NIPBL: variants seen among roughly 807,000 people sequenced by gnomAD.
NIPBL encodes nipped-B-like protein.
NIPBL carries 19 observed loss-of-function variants against 321.8 expected under a neutral mutation model. The observed-to-expected ratio is 0.06, with a 90% confidence interval of 0.04 to 0.09. The LOEUF is 0.09. Ranked by LOEUF, NIPBL falls within the 10% of genes least tolerant of loss-of-function variation. The probability of loss-of-function intolerance (pLI) is 1.00; values close to 1 mark genes in which losing one functional copy is unlikely to be tolerated. For missense variants in NIPBL, 2,210 were observed against 3,327.0 expected (o/e 0.66, Z 8.26); for synonymous variants, 1,106 against 1,114.1 (o/e 0.99, Z 0.14).
chr5:36,919,671 TGAGA>T (rs1748766543), intron 1 of NIPBL, among the ~76,000 whole-genome samples: 1 of 152,334 alleles, frequency 6.6e-6, no homozygotes, highest in African/African-American at 2.4e-5. Flanking sequence ...GATCCCTGAC[TGAGA>T]AAGAAGATAT....
chr5:37,021,368 A>G, intron 27 of NIPBL, among the ~76,000 whole-genome samples: 1 of 152,182 alleles, frequency 6.6e-6, no homozygotes, highest in Non-Finnish European at 1.5e-5. Context: ...ATATATTTGT[A>G]TGAATGCACA....
At chr5:36,951,989 A>G (rs1740346387) in intron 1 of NIPBL, among the ~76,000 whole-genome samples, 1 of 144,418 alleles carries the variant, frequency 6.9e-6, no homozygotes, top group Admixed American at 6.9e-5. Flanking sequence ...TGATGATTCT[A>G]TGGATGCTTA....
At chr5:37,033,572 A>C (rs1466338442) in intron 32 of NIPBL, among the ~76,000 whole-genome samples, 14 of 144,274 alleles carry the variant, frequency 9.7e-5, no homozygotes, top group African/African-American at 3.7e-4. Flanking sequence ...AAAAAAAAAG[A>C]TTCCTACTTC....
intron 1 of NIPBL, among the ~76,000 whole-genome samples, chr5:36,879,670 G>A (rs1745360463): frequency 6.6e-6 from 1 of 152,142 alleles, no homozygotes; most frequent in Middle Eastern, 3.4e-3. Context: ...TTCAGTGAAA[G>A]GAGAAATCAG....
chr5:36,988,600 A>G (rs775056601), intron 10 of NIPBL, among the ~76,000 whole-genome samples: 6 of 152,012 alleles, frequency 3.9e-5, no homozygotes, highest in Non-Finnish European at 8.8e-5. Flanking sequence ...TTAAAATTGC[A>G]TGTATATGAA....
intron 10 of NIPBL, among the ~76,000 whole-genome samples, chr5:36,992,385 CTT>C (rs1266225722): frequency 6.6e-6 from 1 of 152,170 alleles, no homozygotes; most frequent in African/African-American, 2.4e-5. Flanking sequence ...GATAGCAAGA[CTT>C]TATGTTTGCA....
intron 1 of NIPBL, among the ~76,000 whole-genome samples, chr5:36,899,115 T>C (rs1747012367): frequency 6.6e-6 from 1 of 152,198 alleles, no homozygotes; most frequent in Admixed American, 6.5e-5. Flanking sequence ...TCTTTGATTC[T>C]CACTTTGGGA....
chr5:37,007,439 G>C lies in NIPBL; in HGVS notation c.4204G>C (p.Glu1402Gln), dbSNP rs61755039. The C allele has an allele frequency of 1.1e-5, 17 of 1,611,428 alleles. No individual in the cohort carries two copies. Among genetic ancestry groups the C allele is most frequent in the Non-Finnish European group, 1.3e-5 (15 of 1,178,216 alleles). ...DIVSSLSELL[E>Q]IQLLTDTTIL... is the part of the protein sequence containing the mutation. ...TGTTAGCAGCTTATCAGAATTGCTAGAGATACAACTTCTTACAGACACAAC... is the reference window on the plus strand; with the variant it reads ...TGTTAGCAGCTTATCAGAATTGCTACAGATACAACTTCTTACAGACACAAC... The change falls in exon 18 of 47, where the codon GAG becomes CAG. Residue 1402 changes from glutamate (E) to glutamine (Q), a missense_variant. Physicochemically the swap from Glu to Gln is conservative, Grantham distance 29. This residue lies in a region of NIPBL where 381 missense variants were observed against 642.3 expected (regional missense o/e 0.59). Coordinates refer to ENST00000282516, the MANE Select transcript of NIPBL (RefSeq NM_133433.4).
chr5:36,887,200 C>G (rs1393724971), intron 1 of NIPBL, among the ~76,000 whole-genome samples: 1 of 152,012 alleles, frequency 6.6e-6, no homozygotes, highest in East Asian at 1.9e-4. Context: ...TAATTCTCTA[C>G]CAAGCATGTG....
At chr5:37,027,526 G>A (rs1282470309) in intron 32 of NIPBL, 114 bp downstream of exon 32, 8 of 727,800 alleles carry the variant, frequency 1.1e-5, no homozygotes, top group South Asian at 3.3e-5. Context: ...AGTTCTTTTG[G>A]TAGGGAAAAT....
intron 40 of NIPBL, among the ~76,000 whole-genome samples, chr5:37,049,988 G>A (rs1561212832): frequency 6.6e-6 from 1 of 152,074 alleles, no homozygotes; most frequent in South Asian, 2.1e-4. Flanking sequence ...TCTTCCCTGT[G>A]TCCTGAAACA....
chr5:36,888,312 T>C (rs1746068353), intron 1 of NIPBL, among the ~76,000 whole-genome samples: 1 of 152,156 alleles, frequency 6.6e-6, no homozygotes, highest in Non-Finnish European at 1.5e-5. Flanking sequence ...GACTTTTGAC[T>C]TACAGCCCAG....
At chr5:37,043,526 CAA>C (rs11288989) in intron 34 of NIPBL, among the ~76,000 whole-genome samples, 68 of 142,110 alleles carry the variant, frequency 4.8e-4, no homozygotes, top group Admixed American at 8.4e-4. Context: ...GACTCTGTCT[CAA>C]AAAAAAAAAA....
chr5:37,006,177 T>C lies in NIPBL; in HGVS notation c.3856-180T>C, dbSNP rs190326435. The stretch of plus-strand genomic sequence containing the variant: ...GTAGAGTATATCACGTTTGAAAACA[T>C]TGAAACACAAATCGTGCTCAAAGTA... On this transcript the variant is annotated intron_variant, in intron 16 of 46. Coordinates refer to ENST00000282516, the MANE Select transcript of NIPBL (RefSeq NM_133433.4). Among the ~76,000 whole-genome samples the C allele has an allele frequency of 3.4e-3, 523 of 152,204 alleles. 2 individuals are homozygous for C. Among genetic ancestry groups the C allele is most frequent in the African/African-American group, 0.012 (493 of 41,562 alleles).
chr5:37,063,676 G>A, intron 45 of NIPBL, 114 bp from the exon 46 acceptor site: 1 of 997,038 alleles, frequency 1.0e-6, no homozygotes, highest in South Asian at 1.5e-5. Context: ...TTTAGATGAT[G>A]GCTAACGTCT....
At chr5:37,000,731 AC>A in intron 12 of NIPBL, 85 bp from the exon 13 acceptor site, 1 of 1,346,314 alleles carries the variant, frequency 7.4e-7, no homozygotes, top group Non-Finnish European at 1.1e-6. Flanking sequence ...TAAGTCTTTA[AC>A]GTTCAGGAAA....
rs1216600660 is a variant in NIPBL, at chr5:36,952,064, G to GCA, written c.-79-1553_-79-1552insAC. ...TGTGTGTGTGTGTGTGCGCGCGCGCGCGCGCGCGCATGTGTGTGTGTAGCA... is the reference window on the plus strand; with the variant it reads ...TGTGTGTGTGTGTGTGCGCGCGCGCGCACGCGCGCGCATGTGTGTGTGTAGCA... On this transcript the variant is annotated intron_variant, in intron 1 of 46. Coordinates refer to ENST00000282516, the MANE Select transcript of NIPBL (RefSeq NM_133433.4). Among the ~76,000 whole-genome samples the GCA allele has an allele frequency of 7.4e-5, 10 of 134,526 alleles. No individual in the cohort carries two copies. In the East Asian group the frequency reaches 1.4e-3, roughly 19 times the overall value. 88.3% of individuals were successfully genotyped at this position (134,526 alleles called of 152,430 possible).
In NIPBL at chr5:37,059,176, A is replaced by G; in HGVS notation, c.7685+11A>G. ...TGGATTTTCTGATAGGTAAGGTTACATAAGCAGTGAGAGAAAAAACTTCAC... is the reference window on the plus strand; with the variant it reads ...TGGATTTTCTGATAGGTAAGGTTACGTAAGCAGTGAGAGAAAAAACTTCAC... On this transcript the variant is annotated intron_variant, in intron 44 of 46. Coordinates refer to ENST00000282516, the MANE Select transcript of NIPBL (RefSeq NM_133433.4). 6 of 1,613,834 alleles carry G rather than the reference A, an allele frequency of 3.7e-6. No homozygotes were observed. The East Asian group carries it at 6.7e-5, about 18-fold the overall frequency.
At chr5:37,003,628 C>G (rs182985459) in intron 16 of NIPBL, among the ~76,000 whole-genome samples, 1 of 152,034 alleles carries the variant, frequency 6.6e-6, no homozygotes, top group Admixed American at 6.6e-5. Context: ...GGCATGCACT[C>G]GAGGTCTTGG....
Sources: gnomAD v4.1 joint callset for allele counts (sites outside exome capture counted in the v4.1 genomes callset) on GRCh38, gnomAD v4.1.1 for gene constraint, gnomAD v4.1.1 regional missense constraint, MANE v1.5 for transcripts, NCBI Gene and HGNC (gene_info 2026-07-23, HGNC 2026-07-21) for gene names.